SHB: variants seen among roughly 807,000 people sequenced by gnomAD.
SHB encodes the protein SH2 domain-containing adapter protein B.
Under a neutral mutation model 52.3 loss-of-function variants are expected in SHB, and 20 were observed. That is an observed-to-expected ratio of 0.38 (90% CI 0.27 to 0.56). The LOEUF (loss-of-function observed/expected upper bound fraction) is 0.56, where lower values mean the gene tolerates loss of function less well. Ranked by LOEUF, SHB falls within the 20% of genes least tolerant of loss-of-function variation. The pLI is 0.71. For missense variants in SHB, 825 were observed against 723.3 expected, an observed-to-expected ratio of 1.14 and a Z score of -1.61; for synonymous variants, 397 against 316.5, an observed-to-expected ratio of 1.25 and a Z score of -2.70.
In SHB at chr9:37,919,980, C is replaced by T. The variant is rs757994284; in HGVS notation, c.1371G>A (p.Met457Ile). The change falls in exon 6 of 6, where the codon ATG becomes ATA. Residue 457 changes from methionine to isoleucine, a missense_variant. Met to Ile is a conservative substitution (Grantham distance 10). Transcript: ENST00000377707. ...ATTTCTCTTTGGTTTTGGCCAGTTT[C>T]ATGTGCATAAAACCCTGGTTGCTCC... ...SLRSNQGFMH[M>I]KLAKTKEKYV... is the part of the protein sequence containing the mutation. The T allele has an allele frequency of 1.9e-6, 3 of 1,614,082 alleles. No individual in the cohort carries two copies. In the East Asian group the frequency reaches 6.7e-5, roughly 36 times the overall value.
At chr9:37,952,692 G>A (rs1587209155) in intron 4 of SHB, among the ~76,000 whole-genome samples, 1 of 152,122 alleles carries the variant, frequency 6.6e-6, no homozygotes, top group East Asian at 1.9e-4. Flanking sequence ...GCAGAATTTG[G>A]TAAAGCAACA....
intron 3 of SHB, among the ~76,000 whole-genome samples, chr9:37,956,307 C>A (rs1403852389): frequency 6.6e-6 from 1 of 152,150 alleles, no homozygotes; most frequent in Admixed American, 6.5e-5. Context: ...GCCTTACCCC[C>A]ACAGAAACCT....
At chr9:37,965,109 C>T (rs140217726) in intron 3 of SHB, among the ~76,000 whole-genome samples, 2 of 152,372 alleles carry the variant, frequency 1.3e-5, no homozygotes, top group East Asian at 3.9e-4. Context: ...GGAAATGAGT[C>T]TCCCTGTCCA....
rs113298954 is a variant in SHB, at chr9:38,004,758, G to A, written c.838+11253C>T. ...CGGGCACATGAGTGCATGTGCCAGC[G>A]TCCACGCAGAGACTCGAGGCTTAGC... On this transcript the variant is annotated intron_variant, in intron 2 of 5. Transcript: ENST00000377707. Among the ~76,000 whole-genome samples, 850 of 152,288 alleles carry A rather than the reference G, an allele frequency of 5.6e-3. 10 individuals carry two copies. The highest frequency in any genetic ancestry group is 0.019 in the African/African-American group (809 of 41,554).
intron 2 of SHB, among the ~76,000 whole-genome samples, chr9:38,002,311 A>G (rs961822022): frequency 6.6e-6 from 1 of 152,190 alleles, no homozygotes; most frequent in Non-Finnish European, 1.5e-5. Context: ...TTAATTAGAA[A>G]TTTCTACAAA....
chr9:37,978,142 TTTAGTG>T (rs1820676257), intron 2 of SHB, among the ~76,000 whole-genome samples: 1 of 152,156 alleles, frequency 6.6e-6, no homozygotes, highest in South Asian at 2.1e-4. Context: ...ATGCATACAG[TTTAGTG>T]TTAAACAATA....
rs569254599 is a variant in SHB at position 37,918,201 on chromosome 9, C to T, written c.*1620G>A. 4.6e-5 allele frequency among the ~76,000 whole-genome samples: 7 copies of T among 152,320 alleles called. No homozygotes were observed. In the South Asian group the frequency reaches 1.0e-3, roughly 23 times the overall value. On this transcript the variant is annotated 3_prime_UTR_variant, in exon 6 of 6. Transcript: ENST00000377707. The stretch of plus-strand genomic sequence containing the variant: ...TTCATTCAGACCAGCTGGTGCCTGG[C>T]GAAGGCTCTGGAACCCTTGTATCTC...
Position 38,068,674 on chromosome 9 carries a change from G to A in SHB, c.-29C>T, listed in dbSNP as rs779455818. ...GAGAGGCCGCCTAGGGCCGCGGCGC[G>A]GGAGCCCGGTCCGCCGCCGCGGCCA... On this transcript the variant is annotated 5_prime_UTR_variant, in exon 1 of 6. Coordinates refer to ENST00000377707, the MANE Select transcript of SHB (RefSeq NM_003028.3). The A allele has an allele frequency of 7.7e-7, 1 of 1,291,250 alleles. No individual in the cohort carries two copies. Among genetic ancestry groups the A allele is most frequent in the East Asian group, 3.2e-5 (1 of 31,416 alleles). 80.0% of individuals were successfully genotyped at this position (1,291,250 alleles called of 1,614,324 possible). A position where few individuals can be genotyped will look rare whatever the true frequency, so the allele number is the denominator to read the frequency against.
chr9:37,931,545 A>G (rs1832310976), intron 5 of SHB, among the ~76,000 whole-genome samples: 1 of 152,262 alleles, frequency 6.6e-6, no homozygotes, highest in South Asian at 2.1e-4. Context: ...ATGAGGTATC[A>G]CTTCATACCC....
chr9:37,988,844 A>C (rs927285170), intron 2 of SHB, among the ~76,000 whole-genome samples: 9 of 152,194 alleles, frequency 5.9e-5, no homozygotes, highest in African/African-American at 2.2e-4. Flanking sequence ...AGTCAGAGAG[A>C]ACTCTACTGC....
At chr9:38,003,310 C>T (rs1321579105) in intron 2 of SHB, among the ~76,000 whole-genome samples, 1 of 151,960 alleles carries the variant, frequency 6.6e-6, no homozygotes, top group Non-Finnish European at 1.5e-5. Context: ...AGGCTGAGGC[C>T]TCTACTTCCT....
At chr9:38,009,265 TG>T (rs1821107515) in intron 2 of SHB, among the ~76,000 whole-genome samples, 1 of 152,106 alleles carries the variant, frequency 6.6e-6, no homozygotes, top group Non-Finnish European at 1.5e-5. Context: ...TGCATGCTTT[TG>T]GGAGGGGCTG....
At chr9:37,937,510 G>A (rs1176274531) in intron 5 of SHB, among the ~76,000 whole-genome samples, 1 of 151,508 alleles carries the variant, frequency 6.6e-6, no homozygotes, top group Non-Finnish European at 1.5e-5. Context: ...GCAAACACTC[G>A]TGCTGGAAGG....
chr9:37,955,905 C>T lies in SHB; in HGVS notation c.1204G>A (p.Ala402Thr), dbSNP rs1477599530. 1 of 1,613,822 alleles carries T rather than the reference C, an allele frequency of 6.2e-7. No individual in the cohort carries two copies. Among genetic ancestry groups the T allele is most frequent in the Admixed American group, 1.7e-5 (1 of 59,994 alleles). The part of the protein sequence containing the change: ...CGILGERVDP[A>T]VPLEKQIWYH... ...TACATTTGCTTCTCCAGGGGGACGGCAGGATCCACCCTTTCTCCTAGGATC... is the reference window on the plus strand; with the variant it reads ...TACATTTGCTTCTCCAGGGGGACGGTAGGATCCACCCTTTCTCCTAGGATC... Residue 402 changes from alanine to threonine, a missense_variant, in exon 4 of 6, where the codon GCC (alanine) becomes ACC (threonine). Physicochemically the swap from Ala to Thr is moderately conservative, Grantham distance 58 (BLOSUM62 0). Coordinates refer to ENST00000377707, the MANE Select transcript of SHB (RefSeq NM_003028.3).
chr9:38,053,515 G>A (rs1321335298), intron 1 of SHB, among the ~76,000 whole-genome samples: 1 of 152,160 alleles, frequency 6.6e-6, no homozygotes, highest in African/African-American at 2.4e-5. Flanking sequence ...GGGATTACAG[G>A]TGTGAGCCAC....
Position 37,919,705 on chromosome 9 carries a change from AC to A in SHB, c.*115del. On this transcript the variant is annotated 3_prime_UTR_variant, in exon 6 of 6. Transcript: ENST00000377707. ...TAGAGACATGCAGTGGTGTGCTAGT[AC>A]CATACACACAACACAAACGACACAG... 6 of 770,658 alleles carry A rather than the reference AC, an allele frequency of 7.8e-6. No individual in the cohort carries two copies. The highest frequency in any genetic ancestry group is 1.3e-5 in the Non-Finnish European group (6 of 453,038). 47.7% of individuals were successfully genotyped at this position (770,658 alleles called of 1,614,324 possible).
intron 2 of SHB, among the ~76,000 whole-genome samples, chr9:37,978,509 T>G (rs1331808540): frequency 2.0e-5 from 3 of 152,250 alleles, no homozygotes; most frequent in Non-Finnish European, 4.4e-5. Context: ...TGTAGCGACA[T>G]GGGAAACCAT....
chr9:37,992,326 A>C (rs1405969841), intron 2 of SHB, among the ~76,000 whole-genome samples: 2 of 152,184 alleles, frequency 1.3e-5, no homozygotes, highest in Admixed American at 6.5e-5. Context: ...ACTTCAACCC[A>C]GGAGGCGGAG....
Position 37,920,002 on chromosome 9 carries a change from C to T in SHB, c.1349G>A (p.Ser450Asn). 1.2e-6 allele frequency: 2 copies of T among 1,613,530 alleles called. No individual in the cohort carries two copies. The highest frequency in any genetic ancestry group is 8.5e-7 in the Non-Finnish European group (1 of 1,179,494). Residue 450 changes from serine to asparagine, a missense_variant and splice_region_variant, in exon 6 of 6, where the codon AGC becomes AAC. Transcript: ENST00000377707. Reference protein sequence around the residue: ...SKHDYSLSLRSNQGFMHMKLA... With the variant: ...SKHDYSLSLRNNQGFMHMKLA... ...TTTCATGTGCATAAAACCCTGGTTG[C>T]TCCTGTGAACAAAACACAGAGTTAT...
Sources: gnomAD v4.1 joint callset for allele counts (sites outside exome capture counted in the v4.1 genomes callset) on GRCh38, gnomAD v4.1.1 for gene constraint, MANE v1.5 for transcripts, NCBI Gene and HGNC (gene_info 2026-07-23, HGNC 2026-07-21) for gene names.